SLC9A4: variants seen among roughly 807,000 people sequenced by gnomAD.
SLC9A4 encodes sodium/hydrogen exchanger 4.
In SLC9A4, 63 loss-of-function variants were observed where a neutral mutation model predicts 67.4. The ratio of observed to expected loss-of-function variants is 0.93; its 90% confidence interval spans 0.76 to 1.15. The LOEUF (loss-of-function observed/expected upper bound fraction) is 1.15. Among genes scored for constraint, SLC9A4 ranks in the 50% most tolerant of loss-of-function variants. The pLI is 0.00. For synonymous variants in SLC9A4, 393 were observed against 367.2 expected (o/e 1.07, Z -0.80); for missense variants, 1,089 against 987.7 (o/e 1.10, Z -1.38).
intron 8 of SLC9A4, among the ~76,000 whole-genome samples, chr2:102,519,370 T>C (rs959847057): frequency 1.3e-5 from 2 of 152,210 alleles, no homozygotes; most frequent in Non-Finnish European, 1.5e-5. Context: ...AAATGTGGTG[T>C]GTAGATGGTA....
chr2:102,523,750 C>T (rs1674599161), intron 9 of SLC9A4, among the ~76,000 whole-genome samples: 1 of 152,178 alleles, frequency 6.6e-6, no homozygotes, highest in Admixed American at 6.6e-5. Context: ...GAATGAAGCA[C>T]CCCATTCTTT....
At chr2:102,505,139 A>C (rs1329025766) in intron 3 of SLC9A4, 115 bp from the exon 4 acceptor site, 37 of 881,634 alleles carry the variant, frequency 4.2e-5, no homozygotes, top group Non-Finnish European at 5.4e-5. Context: ...GGAATAAGGG[A>C]GATATTCCTG....
At chr2:102,489,935 G>C (rs1684662516) in intron 2 of SLC9A4, among the ~76,000 whole-genome samples, 1 of 152,162 alleles carries the variant, frequency 6.6e-6, no homozygotes, top group South Asian at 2.1e-4. Flanking sequence ...CTATGCCAGA[G>C]CTCCTTAATA....
At chr2:102,527,278 C>G (rs1674685482) in intron 11 of SLC9A4, among the ~76,000 whole-genome samples, 1 of 144,680 alleles carries the variant, frequency 6.9e-6, no homozygotes, top group Non-Finnish European at 1.5e-5. Context: ...ACAAAAAAAT[C>G]ACAAAAACAT....
chr2:102,523,508 G>C (rs528447542), intron 9 of SLC9A4, among the ~76,000 whole-genome samples: 1 of 152,272 alleles, frequency 6.6e-6, no homozygotes, highest in South Asian at 2.1e-4. Context: ...CATACATTAA[G>C]TACTAATAGA....
At chr2:102,532,258 C>G in intron 11 of SLC9A4, 72 bp from the exon 12 acceptor site, 1 of 1,480,026 alleles carries the variant, frequency 6.8e-7, no homozygotes, top group Non-Finnish European at 9.1e-7. Flanking sequence ...GAGTTCCTGC[C>G]ATGTGGATAT....
intron 7 of SLC9A4, 84 bp downstream of exon 7, chr2:102,512,357 G>C (rs1685182532): frequency 2.0e-6 from 3 of 1,465,982 alleles, no homozygotes; most frequent in Non-Finnish European, 2.9e-6. Flanking sequence ...AGAATTCAGG[G>C]AATGGAGACC....
intron 11 of SLC9A4, among the ~76,000 whole-genome samples, chr2:102,530,761 A>G (rs1674760019): frequency 6.6e-6 from 1 of 152,208 alleles, no homozygotes; most frequent in African/African-American, 2.4e-5. Flanking sequence ...AAGGAGAGTC[A>G]GGGAAAAAAA....
At chr2:102,497,322 T>C (rs985078963) in intron 2 of SLC9A4, among the ~76,000 whole-genome samples, 48 of 143,654 alleles carry the variant, frequency 3.3e-4, no homozygotes, top group African/African-American at 9.6e-4. Flanking sequence ...CCTAGGTATA[T>C]ACGCAAGAGA....
In SLC9A4 at chr2:102,532,429, T is replaced by C; in HGVS notation, c.2138T>C (p.Met713Thr). 6.2e-7 allele frequency: 1 copy of C among 1,614,102 alleles called. No individual in the cohort carries two copies. Among genetic ancestry groups the C allele is most frequent in the Non-Finnish European group, 8.5e-7 (1 of 1,180,008 alleles). ...QKQEAQEIIP[M>T]KSLHRGRKAF... Reference sequence around the variant, plus strand: ...CAAGAGGCACAAGAAATAATACCAATGAAGAGCCTACACAGAGGAAGGAAG... The same window carrying C: ...CAAGAGGCACAAGAAATAATACCAACGAAGAGCCTACACAGAGGAAGGAAG... The change falls in exon 12 of 12, where the codon ATG becomes ACG. Residue 713 changes from methionine to threonine, a missense_variant. By Grantham distance (81) the Met-to-Thr change is moderately conservative. Coordinates refer to ENST00000295269, the MANE Select transcript of SLC9A4 (RefSeq NM_001011552.4).
At chr2:102,527,161 A>T (rs1021338119) in intron 11 of SLC9A4, among the ~76,000 whole-genome samples, 8 of 152,212 alleles carry the variant, frequency 5.3e-5, no homozygotes, top group African/African-American at 1.9e-4. Flanking sequence ...AGCATTTGCA[A>T]CCCTAATGCC....
chr2:102,530,258 T>C (rs1674751699), intron 11 of SLC9A4, among the ~76,000 whole-genome samples: 1 of 152,134 alleles, frequency 6.6e-6, no homozygotes, highest in Admixed American at 6.6e-5. Context: ...TATTTCTCCT[T>C]TCATGCCAGG....
At chr2:102,487,544 T>C (rs890671232) in intron 2 of SLC9A4, among the ~76,000 whole-genome samples, 7 of 152,208 alleles carry the variant, frequency 4.6e-5, no homozygotes, top group African/African-American at 1.7e-4. Flanking sequence ...GGAGGGGCAC[T>C]GTATTATTTC....
rs574600530 is a variant in SLC9A4 at position 102,498,211 on chromosome 2, C to A, written c.721-5237C>A. Reference sequence around the variant, plus strand: ...AAAATCTTTTGCAACTATAATGTTACCCAGAGCCTGGTAATTTGAAAGGTA... The same window carrying A: ...AAAATCTTTTGCAACTATAATGTTAACCAGAGCCTGGTAATTTGAAAGGTA... On this transcript the variant is annotated intron_variant, in intron 2 of 11. Coordinates refer to ENST00000295269, the MANE Select transcript of SLC9A4 (RefSeq NM_001011552.4). Among the ~76,000 whole-genome samples, 100 of 152,288 alleles carry A rather than the reference C, an allele frequency of 6.6e-4. 1 individual carries two copies. In the South Asian group the frequency reaches 0.011, roughly 16 times the overall value.
In SLC9A4 at chr2:102,512,560, T is replaced by C. The variant is rs567756294; in HGVS notation, c.1559+287T>C. 3.9e-5 allele frequency among the ~76,000 whole-genome samples: 6 copies of C among 152,152 alleles called. No individual in the cohort carries two copies. The East Asian group carries it at 9.7e-4, about 24-fold the overall frequency. ...ATTTAAGTTAAAAACAAGGACAAGG[T>C]TCCCAATGATAAGATCAGCTCTACC... On this transcript the variant is annotated intron_variant, in intron 7 of 11. Transcript: ENST00000295269.
intron 4 of SLC9A4, 140 bp from the exon 5 acceptor site, chr2:102,507,939 C>A: frequency 1.3e-6 from 1 of 746,932 alleles, no homozygotes. Context: ...AGATACTCTA[C>A]CTGGGATAGA....
Position 102,480,523 on chromosome 2 carries a change from C to T in SLC9A4, c.720+1221C>T, listed in dbSNP as rs923021218. ...ATTAAGTTTACAGTAACTTATTTAG[C>T]AGTTTCCTGATGAATGCGTCATTCA... On this transcript the variant is annotated intron_variant, in intron 2 of 11. Transcript: ENST00000295269. 2.0e-5 allele frequency among the ~76,000 whole-genome samples: 3 copies of T among 152,074 alleles called. No homozygotes were observed. The South Asian group carries it at 6.2e-4, about 32-fold the overall frequency.
chr2:102,521,925 C>T (rs1350270246), intron 9 of SLC9A4, among the ~76,000 whole-genome samples: 1 of 152,198 alleles, frequency 6.6e-6, no homozygotes, highest in Non-Finnish European at 1.5e-5. Context: ...TGATCCGAAA[C>T]TGAGCTGGCC....
chr2:102,509,074 T>C, intron 6 of SLC9A4, 141 bp downstream of exon 6: 1 of 709,218 alleles, frequency 1.4e-6, no homozygotes, highest in Non-Finnish European at 2.4e-6. Flanking sequence ...CTATGGCTGC[T>C]GTAGGAAATT....
Sources: gnomAD v4.1 joint callset for allele counts (sites outside exome capture counted in the v4.1 genomes callset) on GRCh38, gnomAD v4.1.1 for gene constraint, MANE v1.5 for transcripts, NCBI Gene and HGNC (gene_info 2026-07-23, HGNC 2026-07-21) for gene names.